The following SCAF8 variants were observed in gnomAD, a reference collection of about 807,000 sequenced individuals.
The protein encoded by SCAF8 is SR-related and CTD-associated factor 8.
A neutral mutation model predicts 140.5 loss-of-function variants in SCAF8; 23 were observed. The observed-to-expected ratio is 0.16, with a 90% confidence interval of 0.12 to 0.23. The LOEUF (loss-of-function observed/expected upper bound fraction) is 0.23, where lower values mean the gene tolerates loss of function less well. SCAF8 is among the 10% of genes least tolerant of loss of function. SCAF8 has a pLI of 1.00. For synonymous variants in SCAF8, 575 were observed against 528.9 expected, an observed-to-expected ratio of 1.09 and a Z score of -1.20; for missense variants, 1,397 against 1,555.7, an observed-to-expected ratio of 0.90 and a Z score of 1.72.
At chr6:154,783,638 G>A (rs955912781) in intron 3 of SCAF8, among the ~76,000 whole-genome samples, 1 of 152,184 alleles carries the variant, frequency 6.6e-6, no homozygotes, top group African/African-American at 2.4e-5. Flanking sequence ...CTAGAAAGTT[G>A]ATCTGGTAGC....
intron 10 of SCAF8, 25 bp downstream of exon 10, chr6:154,808,226 C>T: frequency 6.2e-7 from 1 of 1,601,360 alleles, no homozygotes; most frequent in Non-Finnish European, 8.5e-7. Context: ...TTTTCTGGGT[C>T]ATAAATTTCT....
intron 13 of SCAF8, 88 bp downstream of exon 13, chr6:154,815,904 T>C: frequency 1.5e-6 from 1 of 687,358 alleles, no homozygotes; most frequent in Non-Finnish European, 2.6e-6. Flanking sequence ...ATTAGCCCAG[T>C]AATGTCTGCC....
intron 1 of SCAF8, among the ~76,000 whole-genome samples, chr6:154,762,290 C>T (rs868215942): frequency 2.6e-5 from 4 of 152,166 alleles, no homozygotes; most frequent in Non-Finnish European, 5.9e-5. Context: ...TTTTCCAGGG[C>T]TGGGCTCCCA....
chr6:154,779,068 T>C (rs891996490), intron 3 of SCAF8, among the ~76,000 whole-genome samples: 2 of 152,198 alleles, frequency 1.3e-5, no homozygotes, highest in Non-Finnish European at 2.9e-5. Context: ...AGTCTCACTC[T>C]GTCGCCCAAG....
At chr6:154,808,650 CCTTT>C (rs10609975) in intron 10 of SCAF8, 32 bp from the exon 11 acceptor site, 649,145 of 1,331,524 alleles carry the variant, frequency 0.49, 166,796 homozygotes, top group East Asian at 0.92. Context: ...TCTCAACCAG[CCTTT>C]CTGTTTGTTT....
chr6:154,783,899 G>A (rs540380877), intron 3 of SCAF8, among the ~76,000 whole-genome samples: 11 of 151,584 alleles, frequency 7.3e-5, no homozygotes, highest in East Asian at 2.0e-4. Context: ...GTGAAATCCC[G>A]TCTCTACTAA....
chr6:154,773,868 G>T (rs7762135), intron 1 of SCAF8, 121 bp from the exon 2 acceptor site: 16,440 of 702,652 alleles, frequency 0.023, 1,171 homozygotes, highest in African/African-American at 0.2. Context: ...TGTTGAGCTT[G>T]ATTTGTAAAA....
At chr6:154,793,591 G>C (rs1244969968) in intron 5 of SCAF8, among the ~76,000 whole-genome samples, 1 of 151,744 alleles carries the variant, frequency 6.6e-6, no homozygotes, top group Non-Finnish European at 1.5e-5. Context: ...GAGGCAGGCA[G>C]ATCGCCTGAG....
chr6:154,776,220 A>G (rs1776911971), intron 2 of SCAF8, among the ~76,000 whole-genome samples: 2 of 151,702 alleles, frequency 1.3e-5, no homozygotes, highest in Non-Finnish European at 2.9e-5. Context: ...TTTTTGTGAC[A>G]TTGACATTTT....
chr6:154,831,704 A>T (rs890046199), intron 19 of SCAF8, among the ~76,000 whole-genome samples: 104 of 4,854 alleles, frequency 0.021, no homozygotes, highest in African/African-American at 0.065. Context: ...TCCTGTTCTT[A>T]AAAAAAAAAA....
Position 154,818,578 on chromosome 6 carries a change from T to C in SCAF8, c.1621T>C (p.Ser541Pro). 1 of 1,585,564 alleles carries C rather than the reference T, an allele frequency of 6.3e-7. No homozygotes were observed. The highest frequency in any genetic ancestry group is 8.6e-7 in the Non-Finnish European group (1 of 1,159,316). ...KLSSGSYKIG[S>P]KVIKIAWALN... Reference sequence around the variant, plus strand: ...CAGTTCTGGATCATATAAAATTGGGTCCAAGGTCATTAAGGTGAGATTTGG... The same window carrying C: ...CAGTTCTGGATCATATAAAATTGGGCCCAAGGTCATTAAGGTGAGATTTGG... Residue 541 changes from serine to proline, a missense_variant, in exon 14 of 20, where the codon TCC (serine) becomes CCC (proline). Ser to Pro is a moderately conservative substitution (Grantham distance 74). Coordinates refer to ENST00000367178, the MANE Select transcript of SCAF8 (RefSeq NM_014892.5).
intron 1 of SCAF8, among the ~76,000 whole-genome samples, chr6:154,745,761 G>A (rs1458045819): frequency 6.6e-6 from 1 of 152,130 alleles, no homozygotes. Flanking sequence ...AATGGTGATT[G>A]CCACATGGTG....
At chr6:154,774,293 A>AT (rs1308235164) in intron 2 of SCAF8, among the ~76,000 whole-genome samples, 2 of 152,086 alleles carry the variant, frequency 1.3e-5, no homozygotes, top group African/African-American at 4.8e-5. Flanking sequence ...ACAATGTCTT[A>AT]TTCTGTCACC....
At chr6:154,816,769 T>C (rs767664132) in intron 13 of SCAF8, among the ~76,000 whole-genome samples, 2 of 152,354 alleles carry the variant, frequency 1.3e-5, no homozygotes, top group South Asian at 4.1e-4. Flanking sequence ...AACTTGACTT[T>C]TCTGTAATAG....
intron 1 of SCAF8, among the ~76,000 whole-genome samples, chr6:154,762,312 G>A (rs1776428865): frequency 6.6e-6 from 1 of 152,142 alleles, no homozygotes; most frequent in Non-Finnish European, 1.5e-5. Flanking sequence ...TTGAAACTTC[G>A]GGCCCTCTTC....
chr6:154,770,596 C>T (rs1374418495), intron 1 of SCAF8, among the ~76,000 whole-genome samples: 1 of 151,908 alleles, frequency 6.6e-6, no homozygotes, highest in Non-Finnish European at 1.5e-5. Flanking sequence ...AAAAAAAATT[C>T]TTAGAAAGTA....
chr6:154,741,245 ACAT>A (rs1163649699), intron 1 of SCAF8, among the ~76,000 whole-genome samples: 3 of 152,204 alleles, frequency 2.0e-5, no homozygotes, highest in Non-Finnish European at 4.4e-5. Context: ...TGTTAATCAC[ACAT>A]CATTAAATAT....
rs753669882 is a variant in SCAF8 at position 154,810,172 on chromosome 6, A to C, written c.1384A>C (p.Lys462Gln). 6.2e-7 allele frequency: 1 copy of C among 1,613,152 alleles called. No homozygotes were observed. The highest frequency in any genetic ancestry group is 8.5e-7 in the Non-Finnish European group (1 of 1,179,704). ...AREREKERQK[K>Q]GLPPIRSKTL... is the part of the protein sequence containing the mutation. ...AGAAAGGGAGAAAGAACGACAGAAA[A>C]AGGGATTACCTCCAATTAGATCTAA... is the stretch of plus-strand genomic sequence containing the variant. The change falls in exon 12 of 20, where the codon AAG (lysine) becomes CAG (glutamine). Residue 462 changes from lysine (K) to glutamine (Q), a missense_variant. By Grantham distance (53) the Lys-to-Gln change is moderately conservative (BLOSUM62 1). This residue lies in a region of SCAF8 where 339 missense variants were observed against 407.5 expected (regional missense o/e 0.83). Transcript: ENST00000367178.
intron 1 of SCAF8, among the ~76,000 whole-genome samples, chr6:154,759,418 CTT>C (rs998010395): frequency 2.0e-5 from 3 of 152,066 alleles, no homozygotes; most frequent in African/African-American, 7.2e-5. Flanking sequence ...AAATAGATCT[CTT>C]CTTTTTTAAC....
Sources: allele counts gnomAD v4.1 joint callset (sites outside exome capture counted in the v4.1 genomes callset), GRCh38; gene constraint gnomAD v4.1.1; regional missense constraint gnomAD v4.1.1; transcripts MANE v1.5; gene names NCBI Gene and HGNC (gene_info 2026-07-23, HGNC 2026-07-21).